PRSS23: variants seen among roughly 807,000 people sequenced by gnomAD.
PRSS23 encodes the protein serine protease 23.
A neutral mutation model predicts 34.7 loss-of-function variants in PRSS23; 25 were observed. The ratio of observed to expected loss-of-function variants is 0.72; its 90% CI spans 0.53 to 1.01. The LOEUF (loss-of-function observed/expected upper bound fraction) is 1.01, where lower values mean the gene tolerates loss of function less well. Ranked by LOEUF, PRSS23 falls within the 50% of genes least tolerant of loss-of-function variation. The probability of loss-of-function intolerance (pLI) is 0.00; values close to 1 mark genes in which losing one functional copy is unlikely to be tolerated. For missense variants in PRSS23, 445 were observed against 475.6 expected, an observed-to-expected ratio of 0.94 and a Z score of 0.60; for synonymous variants, 176 against 186.6, an observed-to-expected ratio of 0.94 and a Z score of 0.46.
chr11:86,821,527 C>T (rs1366360156), intron 1 of PRSS23: 4 of 1,610,938 alleles, frequency 2.5e-6, no homozygotes, highest in Middle Eastern at 2.2e-4. Context: ...CAGTTGCTGT[C>T]ATTTGAGTGC....
At chr11:86,858,324 C>A (rs1363079202) in intron 2 of PRSS23, among the ~76,000 whole-genome samples, 1 of 152,064 alleles carries the variant, frequency 6.6e-6, no homozygotes, top group Non-Finnish European at 1.5e-5. Context: ...TGATATTACT[C>A]CCAATATCGC....
At chr11:86,926,016 A>T (rs979332533) in intron 2 of PRSS23, among the ~76,000 whole-genome samples, 1 of 152,200 alleles carries the variant, frequency 6.6e-6, no homozygotes, top group African/African-American at 2.4e-5. Flanking sequence ...GAATAAAACT[A>T]AATATATATT....
At chr11:86,822,065 G>C (rs1590878385) in intron 1 of PRSS23, among the ~76,000 whole-genome samples, 1 of 152,142 alleles carries the variant, frequency 6.6e-6, no homozygotes, top group African/African-American at 2.4e-5. Context: ...GATAACTAGA[G>C]ATAATGAATA....
intron 2 of PRSS23, among the ~76,000 whole-genome samples, chr11:86,898,736 G>C (rs544891628): frequency 6.6e-6 from 1 of 152,316 alleles, no homozygotes; most frequent in Admixed American, 6.5e-5. Context: ...GGTGAGCAGA[G>C]GCTTTCCAGG....
chr11:86,890,140 G>A (rs569317084), intron 2 of PRSS23, among the ~76,000 whole-genome samples: 2 of 152,180 alleles, frequency 1.3e-5, no homozygotes, highest in African/African-American at 4.8e-5. Context: ...GTGTGGTGGT[G>A]CACACCTGTA....
chr11:86,863,065 T>C (rs1948626727), intron 2 of PRSS23, among the ~76,000 whole-genome samples: 1 of 152,116 alleles, frequency 6.6e-6, no homozygotes, highest in Non-Finnish European at 1.5e-5. Context: ...TTTTTTGTAA[T>C]ATCCTAGAAA....
At chr11:86,934,742 C>G (rs897083585) in intron 2 of PRSS23, 1 of 152,218 alleles carries the variant, frequency 6.6e-6, no homozygotes, top group Admixed American at 6.5e-5. Flanking sequence ...AGGTCATTCC[C>G]AGGTCCCCAA....
chr11:86,855,341 TA>T (rs1301781653), intron 2 of PRSS23, among the ~76,000 whole-genome samples: 3 of 152,164 alleles, frequency 2.0e-5, no homozygotes, highest in African/African-American at 7.2e-5. Flanking sequence ...TCCTGTGAAC[TA>T]AAATTTCCCT....
intron 2 of PRSS23, among the ~76,000 whole-genome samples, chr11:86,830,816 C>T (rs1481577088): frequency 1.3e-5 from 2 of 152,038 alleles, no homozygotes; most frequent in African/African-American, 4.8e-5. Flanking sequence ...TGGGTGTACA[C>T]CCTGTGATAT....
chr11:86,818,939 C>G (rs1308320031), intron 1 of PRSS23, among the ~76,000 whole-genome samples: 4 of 152,186 alleles, frequency 2.6e-5, no homozygotes, highest in Admixed American at 2.6e-4. Context: ...TTGCCAACTC[C>G]TTACTTTCTT....
intron 2 of PRSS23, among the ~76,000 whole-genome samples, chr11:86,930,507 C>G (rs1031087513): frequency 1.3e-5 from 2 of 152,104 alleles, no homozygotes; most frequent in African/African-American, 4.8e-5. Context: ...AATGGCTGAC[C>G]AGGGCCGGGC....
chr11:86,867,328 G>A (rs768566423), intron 2 of PRSS23, among the ~76,000 whole-genome samples: 1 of 152,158 alleles, frequency 6.6e-6, no homozygotes, highest in Non-Finnish European at 1.5e-5. Context: ...ACAATGCCTT[G>A]CACCTGAAAT....
At chr11:86,944,556 G>A (rs1027304563) in intron 2 of PRSS23, among the ~76,000 whole-genome samples, 1 of 152,154 alleles carries the variant, frequency 6.6e-6, no homozygotes, top group Non-Finnish European at 1.5e-5. Flanking sequence ...CTACGTCTTG[G>A]CTTCTCCACT....
At chr11:86,879,192 G>T (rs1391795712) in intron 2 of PRSS23, among the ~76,000 whole-genome samples, 2 of 148,422 alleles carry the variant, frequency 1.3e-5, no homozygotes, top group African/African-American at 2.5e-5. Context: ...GTCTCTGCCC[G>T]GCGGCCCATC....
At chr11:86,832,278 T>C (rs1199087530) in intron 2 of PRSS23, among the ~76,000 whole-genome samples, 3 of 152,104 alleles carry the variant, frequency 2.0e-5, no homozygotes, top group Non-Finnish European at 2.9e-5. Flanking sequence ...AAATATGACT[T>C]CTAATATCAC....
intron 2 of PRSS23, among the ~76,000 whole-genome samples, chr11:86,878,412 G>A (rs1416890533): frequency 2.0e-5 from 3 of 152,234 alleles, no homozygotes; most frequent in African/African-American, 7.2e-5. Context: ...GCAGGCGCGC[G>A]CCGCCACGCC....
At chr11:86,828,965 T>C (rs1353011714) in intron 2 of PRSS23, among the ~76,000 whole-genome samples, 1 of 150,238 alleles carries the variant, frequency 6.7e-6, no homozygotes, top group African/African-American at 2.5e-5. Flanking sequence ...ATCTGACAAT[T>C]ATGTGTCTTG....
intron 2 of PRSS23, among the ~76,000 whole-genome samples, chr11:86,826,477 C>G (rs1416750734): frequency 1.3e-5 from 2 of 152,066 alleles, no homozygotes; most frequent in Admixed American, 1.3e-4. Context: ...AATTGAATAC[C>G]CTTTATTTCC....
intron 2 of PRSS23, among the ~76,000 whole-genome samples, chr11:86,843,510 G>T (rs1050462798): frequency 6.6e-6 from 1 of 152,108 alleles, no homozygotes; most frequent in Non-Finnish European, 1.5e-5. Flanking sequence ...GAAAATTTTT[G>T]CAATCTATCC....
Sources: allele counts gnomAD v4.1 joint callset (sites outside exome capture counted in the v4.1 genomes callset), GRCh38; gene constraint gnomAD v4.1.1; transcripts MANE v1.5; gene names NCBI Gene and HGNC (gene_info 2026-07-23, HGNC 2026-07-21).